Variants in MEGF10 observed in about 807,000 individuals in gnomAD.
MEGF10 encodes multiple EGF like domains 10.
MEGF10 carries 86 observed loss-of-function variants against 147.5 expected under a neutral mutation model. That is an observed-to-expected ratio of 0.58 (90% CI 0.49 to 0.70). MEGF10 has a LOEUF of 0.70. Ranked by LOEUF, MEGF10 falls within the 30% of genes least tolerant of loss-of-function variation. MEGF10 has a pLI of 0.00. For missense variants in MEGF10, 1,329 were observed against 1,487.3 expected, an observed-to-expected ratio of 0.89 and a Z score of 1.75; for synonymous variants, 478 against 525.5, an observed-to-expected ratio of 0.91 and a Z score of 1.24.
chr5:127,364,630 A>G (rs1009210125), intron 4 of MEGF10, among the ~76,000 whole-genome samples: 8 of 152,252 alleles, frequency 5.3e-5, no homozygotes, highest in Admixed American at 3.9e-4. Context: ...TATGAAAGCA[A>G]AACGATTCCT....
At chr5:127,279,425 T>A in the MEGF10 span, among the ~76,000 whole-genome samples, 1 of 151,638 alleles carries the variant, frequency 6.6e-6, no homozygotes, top group Non-Finnish European at 1.5e-5. Context: ...AGAAAGGAGA[T>A]CCTGGAACTG....
intron 1 of MEGF10, among the ~76,000 whole-genome samples, chr5:127,295,498 AT>A (rs1759453732): frequency 6.6e-6 from 1 of 152,142 alleles, no homozygotes; most frequent in Non-Finnish European, 1.5e-5. Context: ...TAATTTTCCC[AT>A]TTCCCATTCA....
rs909729186 is a variant in MEGF10, at chr5:127,459,058, G to A, written c.*1740G>A. The A allele has an allele frequency of 6.6e-6, 1 of 152,194 alleles. No homozygotes were observed. The highest frequency in any genetic ancestry group is 2.4e-5 in the African/African-American group (1 of 41,446). 9.4% of individuals were successfully genotyped at this position (152,194 alleles called of 1,614,324 possible). On this transcript the variant is annotated 3_prime_UTR_variant, in exon 25 of 25. Transcript: ENST00000503335. ...AGGAAACAACTTTATAAGAGAAACA[G>A]TGGTCTTCAATCTTTTAAAGACATG... is the stretch of plus-strand genomic sequence containing the variant.
At chr5:127,427,854 C>T (rs956985903) in intron 13 of MEGF10, among the ~76,000 whole-genome samples, 6 of 152,196 alleles carry the variant, frequency 3.9e-5, no homozygotes, top group African/African-American at 1.4e-4. Context: ...AACATGCCTG[C>T]ACCCAATCAG....
chr5:127,359,899 T>C (rs1405668997), intron 4 of MEGF10, among the ~76,000 whole-genome samples: 2 of 152,024 alleles, frequency 1.3e-5, no homozygotes, highest in Non-Finnish European at 2.9e-5. Flanking sequence ...ATACCTGGAG[T>C]TGGATGGCTG....
At chr5:127,340,950 C>T (rs1376965288) in intron 4 of MEGF10, among the ~76,000 whole-genome samples, 2 of 152,104 alleles carry the variant, frequency 1.3e-5, no homozygotes, top group Admixed American at 6.6e-5. Flanking sequence ...CTCATTGGAC[C>T]TGGGTCCCAG....
At chr5:127,397,217 A>G (rs1763952684) in intron 6 of MEGF10, among the ~76,000 whole-genome samples, 1 of 152,252 alleles carries the variant, frequency 6.6e-6, no homozygotes, top group Non-Finnish European at 1.5e-5. Flanking sequence ...TCAGTGCATT[A>G]GAAGAGAAAA....
At chr5:127,456,203 T>C (rs1228573986) in intron 24 of MEGF10, among the ~76,000 whole-genome samples, 2 of 152,246 alleles carry the variant, frequency 1.3e-5, no homozygotes, top group Non-Finnish European at 2.9e-5. Context: ...CATTTCCTGG[T>C]TCATTATATT....
At chr5:127,336,540 T>C (rs184250860) in intron 2 of MEGF10, among the ~76,000 whole-genome samples, 1 of 152,140 alleles carries the variant, frequency 6.6e-6, no homozygotes, top group Non-Finnish European at 1.5e-5. Flanking sequence ...CTCTTTTTGG[T>C]TCCTAGAAAC....
At chr5:127,315,602 C>A (rs1240676832) in intron 1 of MEGF10, among the ~76,000 whole-genome samples, 1 of 152,002 alleles carries the variant, frequency 6.6e-6, no homozygotes, top group African/African-American at 2.4e-5. Context: ...ATGATGAGAC[C>A]CGTCTCTACA....
At chr5:127,367,239 G>A (rs1762690511) in intron 4 of MEGF10, among the ~76,000 whole-genome samples, 1 of 152,118 alleles carries the variant, frequency 6.6e-6, no homozygotes, top group Admixed American at 6.6e-5. Context: ...AAAATGAAAG[G>A]ATAGAGAAGA....
the MEGF10 span, among the ~76,000 whole-genome samples, chr5:127,258,632 G>A: frequency 2.0e-5 from 3 of 152,226 alleles, no homozygotes; most frequent in South Asian, 6.2e-4. Context: ...CATTGTGATG[G>A]TACTGGAAGG....
At chr5:127,419,335 G>A in intron 11 of MEGF10, 95 bp downstream of exon 11, 1 of 1,455,552 alleles carries the variant, frequency 6.9e-7, no homozygotes, top group Non-Finnish European at 9.2e-7. Context: ...TCTAGCTCCA[G>A]TTGCACCAAA....
Position 127,422,747 on chromosome 5 carries a change from T to C in MEGF10, c.1668T>C (p.His556=), listed in dbSNP as rs1765064365. Residue 556 remains histidine (H), a synonymous_variant, in exon 13 of 25, where the codon CAT becomes CAC. Coordinates refer to ENST00000503335, the MANE Select transcript of MEGF10 (RefSeq NM_001256545.2). The part of the protein sequence containing the change: ...HADGCHPTTG[H]CRCLPGWSGV... Reference sequence around the variant, plus strand: ...ATGGCTGCCACCCTACCACGGGCCATTGCCGCTGCCTCCCCGGATGGTCAG... The same window carrying C: ...ATGGCTGCCACCCTACCACGGGCCACTGCCGCTGCCTCCCCGGATGGTCAG... 1 of 1,614,088 alleles carries C rather than the reference T, an allele frequency of 6.2e-7. No homozygotes were observed. The highest frequency in any genetic ancestry group is 1.3e-5 in the African/African-American group (1 of 75,034).
At chr5:127,309,294 A>T (rs991997546) in intron 1 of MEGF10, among the ~76,000 whole-genome samples, 17 of 152,240 alleles carry the variant, frequency 1.1e-4, no homozygotes, top group African/African-American at 4.1e-4. Flanking sequence ...AAATGCACAT[A>T]ACATACCATA....
chr5:127,247,454 A>G, the MEGF10 span, among the ~76,000 whole-genome samples: 49 of 137,154 alleles, frequency 3.6e-4, 3 homozygotes, highest in African/African-American at 1.1e-3. Context: ...AAGAAGAAGA[A>G]GAAGAAGAAG....
intron 13 of MEGF10, chr5:127,424,643 A>G (rs182551577): frequency 3.1e-5 from 35 of 1,116,222 alleles, no homozygotes; most frequent in Non-Finnish European, 3.4e-5. Context: ...ACCTTGGGAA[A>G]CAGGCTAAGG....
intron 1 of MEGF10, among the ~76,000 whole-genome samples, chr5:127,304,326 C>T (rs1359934671): frequency 6.6e-6 from 1 of 152,146 alleles, no homozygotes; most frequent in African/African-American, 2.4e-5. Context: ...GACCTCAGGA[C>T]ATCTAGTCTC....
intron 9 of MEGF10, among the ~76,000 whole-genome samples, chr5:127,412,499 G>A (rs1488091115): frequency 5.3e-5 from 8 of 152,248 alleles, no homozygotes; most frequent in African/African-American, 1.4e-4. Flanking sequence ...GAGCCTTGCT[G>A]TTACATAATT....
Sources: allele counts gnomAD v4.1 joint callset (sites outside exome capture counted in the v4.1 genomes callset), GRCh38; gene constraint gnomAD v4.1.1; transcripts MANE v1.5; gene names NCBI Gene and HGNC (gene_info 2026-07-23, HGNC 2026-07-21).